The following VPS13D variants were observed in gnomAD, a reference collection of about 807,000 sequenced individuals.
The protein encoded by VPS13D is intermembrane lipid transfer protein VPS13D.
Under a neutral mutation model 461.9 loss-of-function variants are expected in VPS13D, and 187 were observed. The ratio of observed to expected loss-of-function variants is 0.40; its 90% CI spans 0.36 to 0.46. The LOEUF (loss-of-function observed/expected upper bound fraction) is 0.46. Among genes scored for constraint, VPS13D ranks in the 20% least tolerant of loss-of-function variants. The probability of loss-of-function intolerance (pLI) is 0.60; values close to 1 mark genes in which losing one functional copy is unlikely to be tolerated. For synonymous variants in VPS13D, 1,951 were observed against 1,986.3 expected (o/e 0.98, Z 0.47); for missense variants, 4,711 against 5,364.9 (o/e 0.88, Z 3.81).
chr1:12,321,754 T>C, intron 32 of VPS13D, 55 bp from the exon 33 acceptor site: 2 of 1,551,718 alleles, frequency 1.3e-6, no homozygotes, highest in Non-Finnish European at 1.7e-6. Flanking sequence ...TGCTGGTAGT[T>C]GGACCCTTCC....
chr1:12,322,810 A>T, intron 34 of VPS13D, 64 bp downstream of exon 34: 1 of 1,490,182 alleles, frequency 6.7e-7, no homozygotes, highest in Non-Finnish European at 9.2e-7. Context: ...TTGACTCTTA[A>T]AATTTTCTTT....
At chr1:12,396,290 A>G (rs1031771223) in intron 60 of VPS13D, among the ~76,000 whole-genome samples, 2 of 151,792 alleles carry the variant, frequency 1.3e-5, no homozygotes, top group Non-Finnish European at 2.9e-5. Flanking sequence ...TGAAGAGAAT[A>G]GGACAAATTA....
chr1:12,387,918 T>A (rs1644369855), intron 60 of VPS13D, among the ~76,000 whole-genome samples: 1 of 152,164 alleles, frequency 6.6e-6, no homozygotes, highest in African/African-American at 2.4e-5. Context: ...GAGCAACATC[T>A]TTAAAGTACT....
intron 65 of VPS13D, among the ~76,000 whole-genome samples, chr1:12,426,739 G>A (rs580233): frequency 0.24 from 36,138 of 152,052 alleles, 5,121 homozygotes; most frequent in Non-Finnish European, 0.33. Flanking sequence ...TTCTGCAGCC[G>A]GGCACAGTGG....
In VPS13D at chr1:12,299,172, C is replaced by T. The variant is rs1301349106; in HGVS notation, c.6034-30C>T. 6.5e-7 allele frequency: 1 copy of T among 1,535,768 alleles called. No homozygotes were observed. The highest frequency in any genetic ancestry group is 1.3e-5 in the South Asian group (1 of 78,258). The stretch of plus-strand genomic sequence containing the variant: ...GTGGTAAAATTAGGGAATTAATTAT[C>T]CTCTGAGTCAGTTTTCCTTCCTCTT... On this transcript the variant is annotated intron_variant, in intron 24 of 69. Coordinates refer to ENST00000620676, the MANE Select transcript of VPS13D (RefSeq NM_015378.4). The surrounding 1 kb of genome is among the most constrained non-coding windows in gnomAD (Gnocchi z 4.2).
At chr1:12,350,306 A>G (rs1643766542) in intron 46 of VPS13D, among the ~76,000 whole-genome samples, 1 of 152,194 alleles carries the variant, frequency 6.6e-6, no homozygotes, top group Non-Finnish European at 1.5e-5. Context: ...AATATTAAAG[A>G]ACTAAAACCA....
At chr1:12,500,051 G>A in intron 68 of VPS13D, 1 of 985,090 alleles carries the variant, frequency 1.0e-6, no homozygotes, top group South Asian at 4.7e-5. Context: ...TTCCAGTTAG[G>A]CTCACTGTTT....
At chr1:12,398,633 G>A (rs1644531255) in intron 60 of VPS13D, among the ~76,000 whole-genome samples, 1 of 152,282 alleles carries the variant, frequency 6.6e-6, no homozygotes, top group African/African-American at 2.4e-5. Context: ...GGAGCCTCTA[G>A]ACATCCATGC....
intron 67 of VPS13D, among the ~76,000 whole-genome samples, chr1:12,489,837 A>C (rs765346657): frequency 6.6e-6 from 1 of 152,236 alleles, no homozygotes; most frequent in African/African-American, 2.4e-5. Flanking sequence ...CCCACTTTAT[A>C]GATGAGAAAA....
At chr1:12,464,730 G>T (rs1645459220) in intron 67 of VPS13D, among the ~76,000 whole-genome samples, 1 of 152,076 alleles carries the variant, frequency 6.6e-6, no homozygotes, top group Non-Finnish European at 1.5e-5. Context: ...GAGAGAAGAG[G>T]GCGGAGGACT....
intron 13 of VPS13D, among the ~76,000 whole-genome samples, chr1:12,266,092 G>A (rs1287961156): frequency 6.6e-6 from 1 of 152,156 alleles, no homozygotes; most frequent in Non-Finnish European, 1.5e-5. Flanking sequence ...TTGAGCCCAG[G>A]ACTTTGAAGT....
intron 65 of VPS13D, among the ~76,000 whole-genome samples, chr1:12,449,002 T>C (rs1436513057): frequency 6.6e-6 from 1 of 152,186 alleles, no homozygotes; most frequent in Non-Finnish European, 1.5e-5. Flanking sequence ...GCTGAGATAA[T>C]TCTGGGTGGC....
chr1:12,259,652 AATCTT>A (rs776854807), intron 10 of VPS13D, among the ~76,000 whole-genome samples: 12 of 152,148 alleles, frequency 7.9e-5, no homozygotes, highest in Non-Finnish European at 1.5e-4. Context: ...AAGAAGAGAA[AATCTT>A]ATTTACAACT....
chr1:12,497,811 T>C (rs1267193339), intron 68 of VPS13D, among the ~76,000 whole-genome samples, 180 bp downstream of exon 68: 1 of 152,256 alleles, frequency 6.6e-6, no homozygotes, highest in Non-Finnish European at 1.5e-5. Flanking sequence ...AAACAGCCTT[T>C]TACTCAAAGC....
intron 65 of VPS13D, among the ~76,000 whole-genome samples, chr1:12,448,523 C>A (rs187098346): frequency 6.6e-6 from 1 of 152,114 alleles, no homozygotes; most frequent in Non-Finnish European, 1.5e-5. Context: ...AAGCATACCC[C>A]CCTTCTGCCA....
At chr1:12,420,256 GT>G (rs1163886844) in intron 65 of VPS13D, among the ~76,000 whole-genome samples, 1 of 152,202 alleles carries the variant, frequency 6.6e-6, no homozygotes, top group Non-Finnish European at 1.5e-5. Flanking sequence ...TTTTCTTGTA[GT>G]TTTGTGGGTT....
intron 5 of VPS13D, among the ~76,000 whole-genome samples, chr1:12,248,349 ATTG>A (rs1383386927): frequency 2.7e-5 from 4 of 150,738 alleles, no homozygotes; most frequent in Non-Finnish European, 5.9e-5. Flanking sequence ...TATTATTATT[ATTG>A]TTATTATTAA....
In VPS13D at chr1:12,318,755, A is replaced by G. The variant is rs139967198; in HGVS notation, c.7414+418A>G. Among the ~76,000 whole-genome samples, 260 of 152,358 alleles carry G rather than the reference A, an allele frequency of 1.7e-3. 8 individuals carry two copies. In the South Asian group the frequency reaches 0.034, roughly 20 times the overall value. ...TGAGGAGATTTTTATTTTCATTACA[A>G]AAAGAATATTTTTCTTTGTATAGAT... On this transcript the variant is annotated intron_variant, in intron 31 of 69. Transcript: ENST00000620676.
intron 7 of VPS13D, 170 bp from the exon 8 acceptor site, chr1:12,256,163 T>C (rs1640913839): frequency 7.4e-6 from 5 of 678,064 alleles, no homozygotes; most frequent in Non-Finnish European, 1.2e-5. Context: ...ATCCTGTCCC[T>C]ATATAAAAAG....
Sources: gnomAD v4.1 joint callset for allele counts (sites outside exome capture counted in the v4.1 genomes callset) on GRCh38, gnomAD v4.1.1 for gene constraint, Gnocchi (gnomAD v3.1) non-coding constraint, MANE v1.5 for transcripts, NCBI Gene and HGNC (gene_info 2026-07-23, HGNC 2026-07-21) for gene names.